PHF14: variants seen among roughly 807,000 people sequenced by gnomAD.
The protein encoded by PHF14 is PHD finger protein 14.
In PHF14, 55 loss-of-function variants were observed where a neutral mutation model predicts 117.9. The ratio of observed to expected loss-of-function variants is 0.47; its 90% confidence interval spans 0.38 to 0.58. PHF14 has a LOEUF of 0.58. Among genes scored for constraint, PHF14 ranks in the 20% least tolerant of loss-of-function variants. PHF14 has a pLI of 0.00. For synonymous variants in PHF14, 409 were observed against 368.6 expected (o/e 1.11, Z -1.26); for missense variants, 978 against 1,122.2 (o/e 0.87, Z 1.84).
chr7:11,137,978 A>G (rs760633209), intron 17 of PHF14, among the ~76,000 whole-genome samples: 1 of 152,038 alleles, frequency 6.6e-6, no homozygotes, highest in Non-Finnish European at 1.5e-5. Context: ...GCATATAAAC[A>G]TAAACAGACC....
intron 2 of PHF14, among the ~76,000 whole-genome samples, chr7:10,976,784 T>A (rs576773972): frequency 4.0e-5 from 6 of 151,084 alleles, no homozygotes; most frequent in Admixed American, 1.3e-4. Context: ...TATCTATATA[T>A]CCCTTAAACA....
Position 10,982,982 on chromosome 7 carries a change from T to C in PHF14, c.723T>C (p.Asp241=), listed in dbSNP as rs1226187781. 1.3e-6 allele frequency: 2 copies of C among 1,586,158 alleles called. No homozygotes were observed. The highest frequency in any genetic ancestry group is 8.6e-7 in the Non-Finnish European group (1 of 1,166,514). ...ATGGAGACAATGAGGATGATGAAGA[T>C]GAGGGAAGCGGGAGTGATGAAGACG... ...GSDGDNEDDE[D]EGSGSDEDEN... is the part of the protein sequence containing the mutation. Residue 241 remains aspartate (D), a synonymous_variant, in exon 3 of 18, where the codon GAT becomes GAC. Coordinates refer to ENST00000634607, the MANE Select transcript of PHF14 (RefSeq NM_001007157.2).
intron 4 of PHF14, among the ~76,000 whole-genome samples, chr7:11,010,058 G>A (rs1165377142): frequency 6.6e-6 from 1 of 151,898 alleles, no homozygotes; most frequent in Non-Finnish European, 1.5e-5. Flanking sequence ...GCTCCTTAAG[G>A]GCTTTATTCT....
intron 10 of PHF14, among the ~76,000 whole-genome samples, chr7:11,038,306 C>T (rs1261672034): frequency 2.6e-5 from 4 of 151,702 alleles, no homozygotes; most frequent in African/African-American, 9.7e-5. Flanking sequence ...TGGAGGGTGC[C>T]TGTAATCCCA....
intron 2 of PHF14, among the ~76,000 whole-genome samples, chr7:10,979,554 T>TC (rs1491122450): frequency 1.0e-4 from 13 of 124,626 alleles, no homozygotes; most frequent in South Asian, 2.4e-4. Context: ...TTTCTCTCTC[T>TC]TTTTTTTTTT....
In PHF14 at chr7:10,997,349, A is replaced by T. The variant is rs535852425; in HGVS notation, c.1045+6502A>T. On this transcript the variant is annotated intron_variant, in intron 4 of 17. Transcript: ENST00000634607. ...AAAGTGCAAAAAGTGACCAAATGCA[A>T]TTCCTGTGATGAGTTTTTATATAGA... Among the ~76,000 whole-genome samples, 3 of 152,296 alleles carry T rather than the reference A, an allele frequency of 2.0e-5. No homozygotes were observed. The East Asian group carries it at 5.8e-4, about 29-fold the overall frequency.
intron 4 of PHF14, among the ~76,000 whole-genome samples, chr7:11,009,052 A>AAT (rs1491582683): frequency 6.6e-6 from 1 of 151,128 alleles, no homozygotes. Flanking sequence ...AAAAAAAAAA[A>AAT]GTCTTTTTTA....
At chr7:11,058,037 TGTTACATTCTAAA>T (rs1785081506) in intron 14 of PHF14, among the ~76,000 whole-genome samples, 1 of 152,220 alleles carries the variant, frequency 6.6e-6, no homozygotes, top group South Asian at 2.1e-4. Context: ...AACGTATCTG[TGTTACATTCTAAA>T]GCACATTCTT....
chr7:11,005,366 G>C (rs1455192799), intron 4 of PHF14, among the ~76,000 whole-genome samples: 2 of 152,054 alleles, frequency 1.3e-5, no homozygotes, highest in African/African-American at 2.4e-5. Flanking sequence ...ATTACTGTGA[G>C]CTCATATGTT....
chr7:11,011,788 G>T (rs953052568), intron 4 of PHF14, among the ~76,000 whole-genome samples: 1 of 152,134 alleles, frequency 6.6e-6, no homozygotes, highest in Non-Finnish European at 1.5e-5. Flanking sequence ...TAATAAGTTA[G>T]TGTATGTCCA....
chr7:11,149,015 T>G (rs189122393), intron 17 of PHF14, among the ~76,000 whole-genome samples: 265 of 152,242 alleles, frequency 1.7e-3, no homozygotes, highest in African/African-American at 5.1e-3. Context: ...TAGGGTTTTT[T>G]TTTTGTTTTG....
intron 5 of PHF14, among the ~76,000 whole-genome samples, chr7:11,017,811 C>A (rs1783584461): frequency 6.6e-6 from 1 of 152,094 alleles, no homozygotes; most frequent in Non-Finnish European, 1.5e-5. Flanking sequence ...GTTGCTTGTG[C>A]TTGTGGAGTT....
rs1583366087 is a variant in PHF14, at chr7:11,013,747, G to T, written c.1046G>T (p.Gly349Val). The T allele has an allele frequency of 4.7e-6, 7 of 1,505,138 alleles. No individual in the cohort carries two copies. The highest frequency in any genetic ancestry group is 2.3e-5 in the East Asian group (1 of 43,082). 93.2% of individuals were successfully genotyped at this position (1,505,138 alleles called of 1,614,324 possible). Residue 349 changes from glycine to valine, a missense_variant and splice_region_variant, in exon 5 of 18, where the codon GGT becomes GTT. This residue lies in a region of PHF14 where 86 missense variants were observed against 137.8 expected (regional missense o/e 0.62). Transcript: ENST00000634607. ...ATCATAGTGTTTTTGTTTTTTTTAG[G>T]TTGTTATGGAGTTGATGGAGAGAGT... is the stretch of plus-strand genomic sequence containing the variant. ...CDNCGITVHE[G>V]CYGVDGESDS...
intron 5 of PHF14, among the ~76,000 whole-genome samples, chr7:11,020,101 T>C (rs1250213285): frequency 6.6e-6 from 1 of 152,098 alleles, no homozygotes; most frequent in African/African-American, 2.4e-5. Flanking sequence ...TTTTTTTTTT[T>C]CCAATCAGAC....
Position 11,028,758 on chromosome 7 carries a change from C to A in PHF14, c.1395C>A (p.Ala465=). Residue 465 remains alanine, a synonymous_variant, in exon 7 of 18, where the codon GCC becomes GCA. Transcript: ENST00000634607. ...CISCDAGMCR[A]YFHVTCAQKE... is the part of the protein sequence containing the mutation. ...GCTGTGATGCAGGGATGTGCAGAGC[C>A]TATTTCCATGTGACCTGTGCTCAAA... is the stretch of plus-strand genomic sequence containing the variant. 6.2e-7 allele frequency: 1 copy of A among 1,613,764 alleles called. No individual in the cohort carries two copies. The highest frequency in any genetic ancestry group is 8.5e-7 in the Non-Finnish European group (1 of 1,179,732).
At chr7:11,129,292 C>T (rs950126348) in intron 17 of PHF14, among the ~76,000 whole-genome samples, 2 of 151,770 alleles carry the variant, frequency 1.3e-5, no homozygotes, top group Non-Finnish European at 2.9e-5. Flanking sequence ...CAGCCATGAC[C>T]CAAATATGCA....
At chr7:11,021,966 G>A (rs191863016) in intron 5 of PHF14, among the ~76,000 whole-genome samples, 6 of 151,978 alleles carry the variant, frequency 3.9e-5, no homozygotes, top group African/African-American at 1.4e-4. Flanking sequence ...ATATTCACAG[G>A]GTTAATAGAG....
At chr7:11,072,049 G>C (rs769075457) in intron 16 of PHF14, among the ~76,000 whole-genome samples, 1 of 152,136 alleles carries the variant, frequency 6.6e-6, no homozygotes, top group Non-Finnish European at 1.5e-5. Context: ...GTCCATTCTT[G>C]CATAGCTGTA....
At chr7:11,108,290 TA>T (rs1277313559) in intron 16 of PHF14, 2 of 151,736 alleles carry the variant, frequency 1.3e-5, no homozygotes, top group Non-Finnish European at 3.0e-5. Flanking sequence ...ACAAAGATCT[TA>T]TATTTGTATA....
Sources: gnomAD v4.1 joint callset for allele counts (sites outside exome capture counted in the v4.1 genomes callset) on GRCh38, gnomAD v4.1.1 for gene constraint, gnomAD v4.1.1 regional missense constraint, MANE v1.5 for transcripts, NCBI Gene and HGNC (gene_info 2026-07-23, HGNC 2026-07-21) for gene names.